The following WDR37 variants were observed in gnomAD, a reference collection of about 807,000 sequenced individuals.
WDR37 encodes the protein WD repeat-containing protein 37.
WDR37 carries 19 observed loss-of-function variants against 62.9 expected under a neutral mutation model. The observed-to-expected ratio is 0.30, with a 90% CI of 0.21 to 0.44. The LOEUF (loss-of-function observed/expected upper bound fraction) is 0.44. Among genes scored for constraint, WDR37 ranks in the 20% least tolerant of loss-of-function variants. The pLI is 1.00. For synonymous variants in WDR37, 250 were observed against 260.9 expected, an observed-to-expected ratio of 0.96 and a Z score of 0.40; for missense variants, 474 against 657.6, an observed-to-expected ratio of 0.72 and a Z score of 3.05.
rs528242252 is a variant in WDR37 at position 1,121,081 on chromosome 10, G to A, written c.1104-3137G>A. Among the ~76,000 whole-genome samples, 9 of 152,348 alleles carry A rather than the reference G, an allele frequency of 5.9e-5. No individual in the cohort carries two copies. The highest frequency in any genetic ancestry group is 2.1e-4 in the South Asian group (1 of 4,822). On this transcript the variant is annotated intron_variant, in intron 11 of 13. Coordinates refer to ENST00000263150, the MANE Select transcript of WDR37 (RefSeq NM_014023.4). The surrounding 1 kb of genome is among the most constrained non-coding windows in gnomAD (Gnocchi z 4.5). The stretch of plus-strand genomic sequence containing the variant: ...TCGGAACCATTTCCAGTGCACGGCC[G>A]TGCGCGCCAGCCTCCCCATGGGACC...
intron 11 of WDR37, among the ~76,000 whole-genome samples, chr10:1,123,029 CCT>C (rs750383359): frequency 7.9e-5 from 12 of 152,044 alleles, no homozygotes; most frequent in Admixed American, 3.9e-4. Flanking sequence ...CTTTCTTCCC[CCT>C]CTCTTCTTGT....
chr10:1,069,389 A>ATATTTTTTTTTTTTTTTT, intron 1 of WDR37, among the ~76,000 whole-genome samples: 13 of 95,780 alleles, frequency 1.4e-4, no homozygotes, highest in South Asian at 3.8e-4. Context: ...ATATATATAT[A>ATATTTTTTTTTTTTTTTT]TTTTTTTTTT....
At chr10:1,108,142 A>G (rs1421872892) in intron 11 of WDR37, among the ~76,000 whole-genome samples, 1 of 152,254 alleles carries the variant, frequency 6.6e-6, no homozygotes, top group Non-Finnish European at 1.5e-5. Flanking sequence ...AAATAAGAAA[A>G]TTAGTAAAAA....
At chr10:1,118,910 G>A (rs1835486664) in intron 11 of WDR37, among the ~76,000 whole-genome samples, 1 of 152,074 alleles carries the variant, frequency 6.6e-6, no homozygotes, top group Non-Finnish European at 1.5e-5. Context: ...TGCCATTTTT[G>A]TGCTGGTTTC....
rs147384310 is a variant in WDR37, at chr10:1,125,717, G to T, written c.1353+693G>T. The stretch of plus-strand genomic sequence containing the variant: ...TTGTGGCCAGGCAGAAGCTGGGTTG[G>T]TTGTAGGCTGGGGGTCTTTAAGGTG... On this transcript the variant is annotated intron_variant, in intron 13 of 13. Transcript: ENST00000263150. Among the ~76,000 whole-genome samples the T allele has an allele frequency of 9.6e-3, 1,461 of 152,308 alleles. 32 individuals carry two copies. Among genetic ancestry groups the T allele is most frequent in the African/African-American group, 0.033 (1,366 of 41,550 alleles).
intron 11 of WDR37, among the ~76,000 whole-genome samples, chr10:1,114,388 C>G (rs1031826868): frequency 6.6e-6 from 1 of 152,246 alleles, no homozygotes; most frequent in African/African-American, 2.4e-5. Context: ...AGCCACCACC[C>G]TTATCAGTCA....
intron 5 of WDR37, among the ~76,000 whole-genome samples, chr10:1,083,815 C>G (rs916499203): frequency 1.3e-5 from 2 of 152,248 alleles, no homozygotes; most frequent in Non-Finnish European, 2.9e-5. Context: ...ATCCTCATAG[C>G]TGGTGCCTGT....
chr10:1,126,758 G>A (rs983182082), intron 13 of WDR37, among the ~76,000 whole-genome samples: 23 of 152,192 alleles, frequency 1.5e-4, no homozygotes, highest in East Asian at 1.9e-4. Flanking sequence ...TTCTCTCAGC[G>A]CAGCAACACC....
chr10:1,100,845 G>A (rs368884077), intron 9 of WDR37, among the ~76,000 whole-genome samples: 4 of 152,156 alleles, frequency 2.6e-5, no homozygotes, highest in East Asian at 1.9e-4. Flanking sequence ...TCAAGGTGAC[G>A]TACCGAGTAC....
rs74117692 is a variant in WDR37, at chr10:1,067,462, A to C, written c.-40-4654A>C. On this transcript the variant is annotated intron_variant, in intron 1 of 13. Coordinates refer to ENST00000263150, the MANE Select transcript of WDR37 (RefSeq NM_014023.4). ...ACATTAAAGAAGTGTTGCTTCATGA[A>C]AAACTCTTAGAATGAAGAGCAACAG... 8.8e-3 allele frequency among the ~76,000 whole-genome samples: 1,341 copies of C among 152,360 alleles called. 13 individuals are homozygous for C. The highest frequency in any genetic ancestry group is 0.021 in the African/African-American group (865 of 41,584).
intron 13 of WDR37, among the ~76,000 whole-genome samples, chr10:1,125,433 C>T (rs1248555075): frequency 6.6e-6 from 1 of 152,356 alleles, no homozygotes; most frequent in Admixed American, 6.5e-5. Context: ...TGGTCTTGAA[C>T]TCCTGACCTC....
At chr10:1,063,645 G>A (rs1340132167) in intron 1 of WDR37, among the ~76,000 whole-genome samples, 2 of 152,138 alleles carry the variant, frequency 1.3e-5, no homozygotes, top group Admixed American at 6.5e-5. Context: ...ATCATAAGAG[G>A]GACCTTGCAA....
intron 11 of WDR37, among the ~76,000 whole-genome samples, chr10:1,116,837 C>A (rs1835416082): frequency 6.6e-6 from 1 of 151,726 alleles, no homozygotes; most frequent in South Asian, 2.1e-4. Flanking sequence ...CAGAAACTGC[C>A]AAGGAGACGT....
chr10:1,071,757 C>T (rs540454758), intron 1 of WDR37, among the ~76,000 whole-genome samples: 1 of 152,266 alleles, frequency 6.6e-6, no homozygotes, highest in East Asian at 1.9e-4. Context: ...TATTGGACAG[C>T]ATGAGTCTAG....
chr10:1,086,726 G>A (rs992644886), intron 7 of WDR37, among the ~76,000 whole-genome samples: 3 of 152,194 alleles, frequency 2.0e-5, no homozygotes, highest in Non-Finnish European at 2.9e-5. Flanking sequence ...ATTCAATAAA[G>A]GATACTCCAT....
At chr10:1,127,476 C>G (rs1835827941) in intron 13 of WDR37, among the ~76,000 whole-genome samples, 1 of 152,188 alleles carries the variant, frequency 6.6e-6, no homozygotes, top group African/African-American at 2.4e-5. Flanking sequence ...TTATATTGTC[C>G]TTACTTCTTC....
In WDR37 at chr10:1,115,860, C is replaced by T. The variant is rs574475939; in HGVS notation, c.1104-8358C>T. 2.4e-4 allele frequency among the ~76,000 whole-genome samples: 37 copies of T among 152,220 alleles called. 1 individual carries two copies. Among genetic ancestry groups the T allele is most frequent in the Admixed American group, 8.5e-4 (13 of 15,290 alleles). On this transcript the variant is annotated intron_variant, in intron 11 of 13. Transcript: ENST00000263150. ...GGGCCCTGTGGAAGGGCCTCTGGGG[C>T]GGAAGTGACATGGAGATGAGGACGG... is the stretch of plus-strand genomic sequence containing the variant.
chr10:1,111,068 TTAGTGA>T (rs1446950057), intron 11 of WDR37, among the ~76,000 whole-genome samples: 1 of 152,252 alleles, frequency 6.6e-6, no homozygotes, highest in African/African-American at 2.4e-5. Context: ...CATGGTGTTT[TTAGTGA>T]TACCCCTTAA....
intron 11 of WDR37, among the ~76,000 whole-genome samples, chr10:1,117,091 C>T (rs1365047690): frequency 6.6e-6 from 1 of 152,160 alleles, no homozygotes; most frequent in Non-Finnish European, 1.5e-5. Context: ...GCGTCACCCT[C>T]TCGCCTAGGC....
Sources: allele counts gnomAD v4.1 joint callset (sites outside exome capture counted in the v4.1 genomes callset), GRCh38; gene constraint gnomAD v4.1.1; non-coding constraint Gnocchi (gnomAD v3.1); transcripts MANE v1.5; gene names NCBI Gene and HGNC (gene_info 2026-07-23, HGNC 2026-07-21).